Variants in SLC15A1 observed in about 807,000 individuals in gnomAD.
SLC15A1 encodes solute carrier family 15 member 1.
In SLC15A1, 83 loss-of-function variants were observed where a neutral mutation model predicts 92.9. The observed-to-expected ratio is 0.89, with a 90% confidence interval of 0.75 to 1.07. SLC15A1 has a LOEUF of 1.07. SLC15A1 is among the 50% of genes least tolerant of loss of function. The pLI, the probability that SLC15A1 is intolerant of heterozygous loss-of-function variation, is 0.00. For synonymous variants in SLC15A1, 322 were observed against 318.2 expected (o/e 1.01, Z -0.13); for missense variants, 857 against 880.1 (o/e 0.97, Z 0.33).
chr13:98,744,240 CA>C (rs898374872), intron 1 of SLC15A1, among the ~76,000 whole-genome samples: 1,194 of 42,378 alleles, frequency 0.028, 4 homozygotes, highest in African/African-American at 0.092. Context: ...GACTCTGTCT[CA>C]AAAAAAAAAA....
intron 18 of SLC15A1, among the ~76,000 whole-genome samples, chr13:98,696,263 A>G (rs750104942): frequency 6.6e-6 from 1 of 151,738 alleles, no homozygotes; most frequent in Non-Finnish European, 1.5e-5. Context: ...AAAATATGAA[A>G]ATTAGCTGGG....
At chr13:98,712,434 T>A in intron 10 of SLC15A1, 64 bp downstream of exon 10, 3 of 1,251,318 alleles carry the variant, frequency 2.4e-6, no homozygotes, top group Non-Finnish European at 3.5e-6. Context: ...TAATCTGAAT[T>A]GAGATTTTTC....
rs2088279992 is a variant in SLC15A1 at position 98,724,026 on chromosome 13, A to G, written c.251T>C (p.Ile84Thr). ...TGTGTAGACAATGGAGAGCGACACA[A>G]TGGTCCTGTGTTTCCAAAGATTAAG... ...ADSWLGKFKTIVSLSIVYTIG... is the reference protein window; with the variant it reads ...ADSWLGKFKTTVSLSIVYTIG... Residue 84 changes from isoleucine to threonine, a missense_variant, in exon 5 of 23, where the codon ATT becomes ACT. Coordinates refer to ENST00000376503, the MANE Select transcript of SLC15A1 (RefSeq NM_005073.4). 1.2e-6 allele frequency: 2 copies of G among 1,613,892 alleles called. No homozygotes were observed. The highest frequency in any genetic ancestry group is 1.1e-5 in the South Asian group (1 of 91,068).
At chr13:98,741,483 C>T (rs1462953598) in intron 1 of SLC15A1, among the ~76,000 whole-genome samples, 1 of 152,128 alleles carries the variant, frequency 6.6e-6, no homozygotes, top group Non-Finnish European at 1.5e-5. Context: ...CTCCTGCAAT[C>T]CCAGTACTTT....
intron 22 of SLC15A1, 86 bp downstream of exon 22, chr13:98,686,104 A>C: frequency 1.0e-6 from 1 of 961,108 alleles, no homozygotes. Context: ...GACCACACAG[A>C]GCACACAGAT....
intron 1 of SLC15A1, among the ~76,000 whole-genome samples, chr13:98,734,919 T>C (rs1425489517): frequency 1.3e-5 from 2 of 152,214 alleles, no homozygotes; most frequent in African/African-American, 2.4e-5. Context: ...GAGGAGCTGG[T>C]ACCATTCCTT....
At chr13:98,707,122 T>C (rs2088118689) in intron 15 of SLC15A1, among the ~76,000 whole-genome samples, 1 of 152,204 alleles carries the variant, frequency 6.6e-6, no homozygotes, top group African/African-American at 2.4e-5. Flanking sequence ...CCAGTGTCAC[T>C]GAAGCAAGCC....
intron 18 of SLC15A1, among the ~76,000 whole-genome samples, chr13:98,699,136 T>C (rs1345997010): frequency 6.6e-6 from 1 of 152,216 alleles, no homozygotes; most frequent in Non-Finnish European, 1.5e-5. Flanking sequence ...ACTAATGTGT[T>C]CTGTGTCCCT....
Position 98,688,318 on chromosome 13 carries a change from T to C in SLC15A1, c.1613A>G (p.Gln538Arg). The C allele has an allele frequency of 6.2e-7, 1 of 1,614,090 alleles. No individual in the cohort carries two copies. The highest frequency in any genetic ancestry group is 1.3e-5 in the African/African-American group (1 of 75,056). The change falls in exon 20 of 23, where the codon CAA (glutamine) becomes CGA (arginine). Residue 538 changes from glutamine to arginine, a missense_variant. Gln to Arg is a conservative substitution (Grantham distance 43). Coordinates refer to ENST00000376503, the MANE Select transcript of SLC15A1 (RefSeq NM_005073.4). Reference sequence around the variant, plus strand: ...GAAAGTATTGAAATTAGGTTGACATTGTGGCGGAATCTCTGTTGAGCTTAT... The same window carrying C: ...GAAAGTATTGAAATTAGGTTGACATCGTGGCGGAATCTCTGTTGAGCTTAT... Reference protein sequence around the residue: ...FTISSTEIPPQCQPNFNTFYL... With the variant: ...FTISSTEIPPRCQPNFNTFYL...
chr13:98,684,794 T>C lies in SLC15A1; in HGVS notation c.2057A>G (p.Glu686Gly). 3 of 1,614,100 alleles carry C rather than the reference T, an allele frequency of 1.9e-6. No individual in the cohort carries two copies. The highest frequency in any genetic ancestry group is 2.5e-6 in the Non-Finnish European group (3 of 1,180,026). Residue 686 changes from glutamate (E) to glycine (G), a missense_variant, in exon 23 of 23, where the codon GAA (glutamate) becomes GGA (glycine). Transcript: ENST00000376503. ...AEIEAQFDED[E>G]KKNRLEKSNP... ...ACTCTTTTCCAGTCTGTTTTTCTTTTCATCCTCATCAAATTGAGCTTCGAT... is the reference window on the plus strand; with the variant it reads ...ACTCTTTTCCAGTCTGTTTTTCTTTCCATCCTCATCAAATTGAGCTTCGAT...
intron 2 of SLC15A1, 73 bp from the exon 3 acceptor site, chr13:98,726,522 GGC>G: frequency 7.4e-7 from 1 of 1,352,358 alleles, no homozygotes. Flanking sequence ...GAGCACCAGT[GGC>G]ATGAAAGGCA....
chr13:98,721,740 G>C (rs1470139460), intron 6 of SLC15A1, 64 bp downstream of exon 6: 3 of 1,476,280 alleles, frequency 2.0e-6, no homozygotes, highest in Non-Finnish European at 2.8e-6. Flanking sequence ...CTTTGTGCCC[G>C]TGGCCTCTGA....
In SLC15A1 at chr13:98,726,414, G is replaced by A. The variant is rs753049627; in HGVS notation, c.57C>T (p.Ile19=). The change falls in exon 3 of 23, where the codon ATC becomes ATT. Residue 19 remains isoleucine, a synonymous_variant. Coordinates refer to ENST00000376503, the MANE Select transcript of SLC15A1 (RefSeq NM_005073.4). ...FFGYPLSIFF[I]VVNEFCERFS... ...ATCTTTCGCAAAACTCATTGACCAC[G>A]ATGAAGAAGATGCTCAGGGGATAAC... is the stretch of plus-strand genomic sequence containing the variant. The A allele has an allele frequency of 1.4e-5, 23 of 1,614,098 alleles. No individual in the cohort carries two copies. The highest frequency in any genetic ancestry group is 1.8e-5 in the Non-Finnish European group (21 of 1,180,026).
intron 18 of SLC15A1, among the ~76,000 whole-genome samples, chr13:98,702,236 T>G (rs1843067460): frequency 6.6e-6 from 1 of 152,232 alleles, no homozygotes. Flanking sequence ...CATGAATGGA[T>G]GCTGAATTTT....
At chr13:98,738,452 T>C (rs1342213306) in intron 1 of SLC15A1, among the ~76,000 whole-genome samples, 8 of 152,260 alleles carry the variant, frequency 5.3e-5, no homozygotes, top group Non-Finnish European at 2.9e-5. Context: ...AATGGTTTCA[T>C]GGGCCAGCCC....
intron 1 of SLC15A1, among the ~76,000 whole-genome samples, chr13:98,728,868 T>A (rs2088323020): frequency 1.4e-5 from 2 of 148,068 alleles, no homozygotes; most frequent in Admixed American, 6.8e-5. Flanking sequence ...GTAATCCCAG[T>A]TACTTGGGAG....
intron 4 of SLC15A1, among the ~76,000 whole-genome samples, chr13:98,724,462 C>T (rs575825012): frequency 3.5e-4 from 53 of 152,294 alleles, no homozygotes; most frequent in Middle Eastern, 6.8e-3. Context: ...CAGGATTGCA[C>T]TACTGCACTC....
chr13:98,717,622 C>A (rs535211702), intron 8 of SLC15A1, among the ~76,000 whole-genome samples: 1 of 151,960 alleles, frequency 6.6e-6, no homozygotes, highest in Non-Finnish European at 1.5e-5. Context: ...TGCTAGGGGA[C>A]GGTGGCAGTA....
chr13:98,746,763 C>T (rs903837684), intron 1 of SLC15A1, among the ~76,000 whole-genome samples: 2 of 152,110 alleles, frequency 1.3e-5, no homozygotes, highest in African/African-American at 4.8e-5. Flanking sequence ...GTTCCATATC[C>T]CCACATCATA....
Sources: gnomAD v4.1 joint callset for allele counts (sites outside exome capture counted in the v4.1 genomes callset) on GRCh38, gnomAD v4.1.1 for gene constraint, MANE v1.5 for transcripts, NCBI Gene and HGNC (gene_info 2026-07-23, HGNC 2026-07-21) for gene names.